Variants in C3 observed in about 807,000 individuals in gnomAD.
The protein encoded by C3 is C3 and PZP-like alpha-2-macroglobulin domain-containing protein 1.
In C3, 97 loss-of-function variants were observed where a neutral mutation model predicts 207.9. The observed-to-expected ratio is 0.47, with a 90% confidence interval of 0.40 to 0.55. The LOEUF (loss-of-function observed/expected upper bound fraction) is 0.55, where lower values mean the gene tolerates loss of function less well. Ranked by LOEUF, C3 falls within the 20% of genes least tolerant of loss-of-function variation. The pLI, the probability that C3 is intolerant of heterozygous loss-of-function variation, is 0.00. For missense variants in C3, 1,684 were observed against 2,171.7 expected (o/e 0.78, Z 4.46); for synonymous variants, 848 against 857.6 (o/e 0.99, Z 0.20).
intron 15 of C3, 49 bp from the exon 16 acceptor site, chr19:6,707,586 T>G (rs371465214): frequency 1.9e-6 from 3 of 1,602,910 alleles, no homozygotes; most frequent in Non-Finnish European, 1.7e-6. Flanking sequence ...ACCTACTAGG[T>G]GTCCTCGGTT....
At chr19:6,713,541 A>G (rs1435529311) in intron 7 of C3, 32 bp from the exon 8 acceptor site, 1 of 1,525,456 alleles carries the variant, frequency 6.6e-7, no homozygotes, top group Non-Finnish European at 9.1e-7. Flanking sequence ...CTTCAGGTCC[A>G]TCCCTCCTGG....
chr19:6,707,430 G>T (rs991396398), intron 16 of C3, 36 bp downstream of exon 16: 1 of 1,611,434 alleles, frequency 6.2e-7, no homozygotes, highest in African/African-American at 1.3e-5. Flanking sequence ...CCTGGGGTGG[G>T]GCTCGGGGGC....
At position 6,679,120 on chromosome 19, in the gene C3, C is replaced by T. The variant is rs1917792511; in HGVS notation, c.4630+5G>A. 6.2e-7 allele frequency: 1 copy of T among 1,610,866 alleles called. No homozygotes were observed. The highest frequency in any genetic ancestry group is 8.5e-7 in the Non-Finnish European group (1 of 1,176,966). On this transcript the variant is annotated splice_donor_5th_base_variant and intron_variant, in intron 38 of 40. Transcript: ENST00000245907. ...ATGCGTGACCCCCACCCATCACCCA[C>T]TCACCATAGTCCACTCCTGGCTCAC...
At chr19:6,710,956 C>T (rs746948678) in intron 12 of C3, 31 bp downstream of exon 12, 43 of 1,608,920 alleles carry the variant, frequency 2.7e-5, no homozygotes, top group Middle Eastern at 1.7e-4. Flanking sequence ...AAGGAGGAGG[C>T]GGGGGCTGAG....
intron 13 of C3, among the ~76,000 whole-genome samples, chr19:6,710,336 GGA>G (rs143362146): frequency 0.14 from 18,215 of 134,226 alleles, 1,537 homozygotes; most frequent in East Asian, 0.42. Context: ...AGAGAGAAAA[GGA>G]GAGAGAGAGG....
At chr19:6,715,201 G>T (rs11085199) in intron 4 of C3, among the ~76,000 whole-genome samples, 19,034 of 152,092 alleles carry the variant, frequency 0.13, 1,557 homozygotes, top group East Asian at 0.46. Context: ...TAGGGCGAGC[G>T]CAATGGCTCA....
At position 6,718,304 on chromosome 19, in the gene C3, G is replaced by A; in HGVS notation, c.376C>T (p.Gln126Ter). The A allele has an allele frequency of 6.2e-7, 1 of 1,614,230 alleles. No individual in the cohort carries two copies. Among genetic ancestry groups the A allele is most frequent in the Non-Finnish European group, 8.5e-7 (1 of 1,180,044 alleles). ...GTCTGGATGAAGAGGTACCCGCTCT[G>A]CAGGCTGACCAGCACCACCTTCTCC... Reference protein sequence around the residue: ...VVEKVVLVSLQSGYLFIQTDK... With the variant: ...VVEKVVLVSL The change falls in exon 3 of 41, where the codon CAG becomes TAG. Residue 126 changes from glutamine (Q) to a stop codon, truncating the protein, a stop_gained. Transcript: ENST00000245907. LOFTEE classifies it high-confidence loss of function.
chr19:6,719,200 T>C lies in C3; in HGVS notation c.267+11A>G, dbSNP rs1968114617. 1.2e-5 allele frequency: 19 copies of C among 1,613,036 alleles called. No individual in the cohort carries two copies. The highest frequency in any genetic ancestry group is 1.6e-5 in the Non-Finnish European group (19 of 1,179,248). On this transcript the variant is annotated intron_variant, in intron 2 of 40. Coordinates refer to ENST00000245907, the MANE Select transcript of C3 (RefSeq NM_000064.4). The surrounding 1 kb of genome is among the most constrained non-coding windows in gnomAD (Gnocchi z 5.4). ...GGGTGTCAGCCGGGTCCTGCGCCAG[T>C]CTGCACTCACCGTGAAGGTGACGTT...
intron 27 of C3, among the ~76,000 whole-genome samples, chr19:6,689,360 C>CTCTCTCTCTCTCTCT (rs1555684220): frequency 6.0e-5 from 1 of 16,532 alleles, no homozygotes; most frequent in African/African-American, 2.7e-4. Flanking sequence ...TCCCTCCCTC[C>CTCTCTCTCTCTCTCT]CTCTCTCTCT....
At chr19:6,689,323 ACCTAC>A (rs1918096491) in intron 27 of C3, among the ~76,000 whole-genome samples, 5 of 31,028 alleles carry the variant, frequency 1.6e-4, no homozygotes, top group East Asian at 8.2e-4. Flanking sequence ...CTCTCTCTCT[ACCTAC>A]CTCCCTCCCT....
chr19:6,696,237 A>C, intron 23 of C3, 142 bp downstream of exon 23: 1 of 631,568 alleles, frequency 1.6e-6, no homozygotes, highest in Non-Finnish European at 2.8e-6. Context: ...AAAATGTAAA[A>C]GAGGGAAAAC....
At chr19:6,687,017 G>T in intron 27 of C3, 115 bp from the exon 28 acceptor site, 2 of 1,094,342 alleles carry the variant, frequency 1.8e-6, no homozygotes, top group South Asian at 1.3e-5. Context: ...GGACACACCT[G>T]TCTTAGATTT....
chr19:6,702,206 A>G lies in C3; in HGVS notation c.2361T>C (p.Ser787=). 1 of 1,593,822 alleles carries G rather than the reference A, an allele frequency of 6.3e-7. No homozygotes were observed. The highest frequency in any genetic ancestry group is 8.6e-7 in the Non-Finnish European group (1 of 1,165,076). The change falls in exon 19 of 41, where the codon TCT becomes TCC. Residue 787 remains serine, a synonymous_variant. Transcript: ENST00000245907. ...DLKEPPKNGI[S]TKLMNIFLKD... ...TCAAAAATATATTCATGAGCTTCGTAGAGATTCTGGATGGAGAAGAGGTTG... is the reference window on the plus strand; with the variant it reads ...TCAAAAATATATTCATGAGCTTCGTGGAGATTCTGGATGGAGAAGAGGTTG...
chr19:6,713,756 CA>C (rs1367306450), intron 7 of C3: 1 of 341,372 alleles, frequency 2.9e-6, no homozygotes, highest in Non-Finnish European at 5.2e-6. Context: ...TCCCCACTCC[CA>C]GCCCCCACCT....
chr19:6,684,925 T>C (rs1008226487), intron 30 of C3, 63 bp downstream of exon 30: 74 of 1,610,258 alleles, frequency 4.6e-5, no homozygotes, highest in Non-Finnish European at 6.2e-5. Flanking sequence ...TGCTTCCCAG[T>C]AAACCCTGGC....
chr19:6,694,656 C>T (rs779340278), intron 23 of C3, 22 bp from the exon 24 acceptor site: 26 of 1,605,108 alleles, frequency 1.6e-5, no homozygotes, highest in Non-Finnish European at 2.1e-5. Context: ...GGGAAGAGGA[C>T]GTTGCTCAAG....
Position 6,714,071 on chromosome 19 carries a change from A to C in C3, c.694T>G (p.Phe232Val), listed in dbSNP as rs1384025051. Residue 232 changes from phenylalanine (F) to valine (V), a missense_variant, in exon 7 of 41, where the codon TTC becomes GTC. Coordinates refer to ENST00000245907, the MANE Select transcript of C3 (RefSeq NM_000064.4). ...FEVKEYVLPSFEVIVEPTEKF... is the reference protein window; with the variant it reads ...FEVKEYVLPSVEVIVEPTEKF... ...TCTGTAGGCTCCACTATGACCTCGAAACTGGGCAGCACTGGGGGAGAGATG... is the reference window on the plus strand; with the variant it reads ...TCTGTAGGCTCCACTATGACCTCGACACTGGGCAGCACTGGGGGAGAGATG... The C allele has an allele frequency of 6.2e-7, 1 of 1,612,192 alleles. No individual in the cohort carries two copies. The highest frequency in any genetic ancestry group is 8.5e-7 in the Non-Finnish European group (1 of 1,179,388).
rs949593193 is a variant in C3 at position 6,719,531 on chromosome 19, G to A, written c.75-128C>T. The A allele has an allele frequency of 5.0e-5, 40 of 797,480 alleles. No individual in the cohort carries two copies. The highest frequency in any genetic ancestry group is 3.6e-4 in the Middle Eastern group (1 of 2,778). 49.4% of individuals were successfully genotyped at this position (797,480 alleles called of 1,614,324 possible). A position where few individuals can be genotyped will look rare whatever the true frequency, so the allele number is the denominator to read the frequency against. ...TCCTGGAGAGGATCCAGTGACTGCC[G>A]GCGCACTTGCCAATGCCATTATCTT... is the stretch of plus-strand genomic sequence containing the variant. On this transcript the variant is annotated intron_variant, in intron 1 of 40. Transcript: ENST00000245907. This position sits in a 1 kb window ranked among gnomAD's most constrained non-coding sequence, Gnocchi z 5.4.
At chr19:6,683,790 A>G (rs751351516) in intron 33 of C3, among the ~76,000 whole-genome samples, 3 of 152,246 alleles carry the variant, frequency 2.0e-5, no homozygotes, top group Non-Finnish European at 2.9e-5. Context: ...TGATAATTTT[A>G]AATGTTGTAA....
Sources: gnomAD v4.1 joint callset for allele counts (sites outside exome capture counted in the v4.1 genomes callset) on GRCh38, gnomAD v4.1.1 for gene constraint, Gnocchi (gnomAD v3.1) non-coding constraint, MANE v1.5 for transcripts, NCBI Gene and HGNC (gene_info 2026-07-23, HGNC 2026-07-21) for gene names.